The following CTNNA2 variants were observed in gnomAD, a reference collection of about 807,000 sequenced individuals.
CTNNA2 encodes the protein catenin alpha 2.
A neutral mutation model predicts 101.0 loss-of-function variants in CTNNA2; 42 were observed. That is an observed-to-expected ratio of 0.42 (90% CI 0.32 to 0.54). The LOEUF (loss-of-function observed/expected upper bound fraction) is 0.54, where lower values mean the gene tolerates loss of function less well. Ranked by LOEUF, CTNNA2 falls within the 20% of genes least tolerant of loss-of-function variation. The pLI is 0.14. For missense variants in CTNNA2, 871 were observed against 1,223.1 expected, an observed-to-expected ratio of 0.71 and a Z score of 4.29; for synonymous variants, 450 against 456.4, an observed-to-expected ratio of 0.99 and a Z score of 0.18.
intron 7 of CTNNA2, among the ~76,000 whole-genome samples, chr2:80,195,144 T>A (rs1185808442): frequency 6.6e-6 from 1 of 152,208 alleles, no homozygotes; most frequent in East Asian, 1.9e-4. Flanking sequence ...TTGACTGTTC[T>A]TGATGACAGC....
At chr2:79,446,607 G>T (rs1229928777) in intron 4 of CTNNA2, among the ~76,000 whole-genome samples, 1 of 151,998 alleles carries the variant, frequency 6.6e-6, no homozygotes, top group Admixed American at 6.6e-5. Context: ...CCTTTTGATG[G>T]TGGAGAAAGG....
At chr2:80,400,857 G>T (rs912278426) in intron 8 of CTNNA2, among the ~76,000 whole-genome samples, 1 of 152,012 alleles carries the variant, frequency 6.6e-6, no homozygotes, top group African/African-American at 2.4e-5. Flanking sequence ...CAGTATCCTA[G>T]ACCCCAGCCT....
At chr2:79,970,717 G>T (rs17261321) in intron 7 of CTNNA2, among the ~76,000 whole-genome samples, 62,081 of 151,896 alleles carry the variant, frequency 0.41, 13,168 homozygotes, top group East Asian at 0.66. Flanking sequence ...ACTGGAGAAT[G>T]GAGGGCACCA....
At position 79,621,549 on chromosome 2, in the gene CTNNA2, A is replaced by G. The variant is rs143415983; in HGVS notation, c.-5-30003A>G. On this transcript the variant is annotated intron_variant, in intron 1 of 18. Transcript: ENST00000402739. Reference sequence around the variant, plus strand: ...ACAGTAGTATTGGATTATAGCCCCAAGTATGAAATAAACATCGTAAGTCCA... The same window carrying G: ...ACAGTAGTATTGGATTATAGCCCCAGGTATGAAATAAACATCGTAAGTCCA... 1.0e-3 allele frequency among the ~76,000 whole-genome samples: 156 copies of G among 152,344 alleles called. 1 individual carries two copies. Among genetic ancestry groups the G allele is most frequent in the African/African-American group, 3.6e-3 (149 of 41,584 alleles).
chr2:79,789,539 G>C lies in CTNNA2; in HGVS notation c.298+44957G>C, dbSNP rs764236155. On this transcript the variant is annotated intron_variant, in intron 3 of 18. Coordinates refer to ENST00000402739, the MANE Select transcript of CTNNA2 (RefSeq NM_001282597.3). ...GTGAGCCGAGTTTTTATTGCAGAGG[G>C]AAAAATGCATCCCTTGGGGACTGGG... Among the ~76,000 whole-genome samples the C allele has an allele frequency of 5.8e-4, 88 of 152,212 alleles. 1 individual carries two copies. The highest frequency in any genetic ancestry group is 2.1e-3 in the South Asian group (10 of 4,822).
chr2:79,777,195 T>C (rs1166182165), intron 3 of CTNNA2: 1 of 152,170 alleles, frequency 6.6e-6, no homozygotes, highest in Non-Finnish European at 1.5e-5. Context: ...AACTGCTTAC[T>C]ATACAGCTGG....
intron 2 of CTNNA2, among the ~76,000 whole-genome samples, chr2:79,724,840 AAAG>A (rs1686725214): frequency 6.7e-6 from 1 of 149,816 alleles, no homozygotes; most frequent in South Asian, 2.1e-4. Flanking sequence ...AAAAAAAGGA[AAAG>A]AAAAAAGAAA....
chr2:79,984,935 A>G (rs879314051), intron 7 of CTNNA2, among the ~76,000 whole-genome samples: 4 of 152,224 alleles, frequency 2.6e-5, no homozygotes, highest in African/African-American at 4.8e-5. Flanking sequence ...GTTTTTCTCA[A>G]TAAAGTTTTA....
At chr2:79,621,215 A>T (rs760319886) in intron 1 of CTNNA2, among the ~76,000 whole-genome samples, 7 of 152,162 alleles carry the variant, frequency 4.6e-5, no homozygotes, top group Non-Finnish European at 1.0e-4. Flanking sequence ...GTCTACACAC[A>T]TGTTTTTCTG....
chr2:79,595,629 C>T (rs1384783991), intron 1 of CTNNA2, among the ~76,000 whole-genome samples: 1 of 152,076 alleles, frequency 6.6e-6, no homozygotes, highest in African/African-American at 2.4e-5. Flanking sequence ...TATCACTATG[C>T]TTAAAATTGT....
chr2:80,308,957 T>C (rs1228940110), intron 7 of CTNNA2, among the ~76,000 whole-genome samples: 1 of 151,858 alleles, frequency 6.6e-6, no homozygotes, highest in African/African-American at 2.4e-5. Context: ...GGCGTGGTGG[T>C]GGGTGCCTGT....
chr2:80,596,482 T>G (rs1696994055), intron 15 of CTNNA2, among the ~76,000 whole-genome samples: 1 of 150,738 alleles, frequency 6.6e-6, no homozygotes, highest in Non-Finnish European at 1.5e-5. Flanking sequence ...GCTAATTTTT[T>G]TGTGTGTTTT....
At chr2:80,181,811 T>TG (rs1258513363) in intron 7 of CTNNA2, among the ~76,000 whole-genome samples, 6 of 152,200 alleles carry the variant, frequency 3.9e-5, no homozygotes, top group African/African-American at 1.4e-4. Flanking sequence ...TTATTTTGCA[T>TG]AACTGTCTAA....
intron 7 of CTNNA2, among the ~76,000 whole-genome samples, chr2:80,156,356 A>C (rs1016618997): frequency 1.3e-5 from 2 of 152,224 alleles, no homozygotes; most frequent in African/African-American, 4.8e-5. Context: ...ACTTGGTATG[A>C]TGAATCTTCT....
chr2:80,545,796 C>G, intron 10 of CTNNA2, 111 bp from the exon 11 acceptor site: 1 of 1,010,416 alleles, frequency 9.9e-7, no homozygotes, highest in Non-Finnish European at 1.4e-6. Flanking sequence ...ACCAAGAACC[C>G]ACTTATCTGT....
chr2:79,535,221 G>T lies in CTNNA2; in HGVS notation c.-6+22014G>T, dbSNP rs556621445. 1.2e-3 allele frequency among the ~76,000 whole-genome samples: 179 copies of T among 151,746 alleles called. 1 individual carries two copies. The Middle Eastern group carries it at 0.017, about 15-fold the overall frequency. On this transcript the variant is annotated intron_variant, in intron 1 of 18. Transcript: ENST00000402739. ...AACTATTTTTCAATGAACATATTTTGCTCTTTTTTTTTTGAGACTGTCGCC... is the reference window on the plus strand; with the variant it reads ...AACTATTTTTCAATGAACATATTTTTCTCTTTTTTTTTTGAGACTGTCGCC...
At chr2:80,043,133 CCTTCCT>C in intron 7 of CTNNA2, among the ~76,000 whole-genome samples, 1 of 48,646 alleles carries the variant, frequency 2.1e-5, no homozygotes, top group African/African-American at 1.3e-4. Context: ...TTCCTTCCTT[CCTTCCT>C]TCCTTCCTTC....
At chr2:79,311,534 A>G (rs190604901) in intron 2 of CTNNA2, among the ~76,000 whole-genome samples, 5 of 151,948 alleles carry the variant, frequency 3.3e-5, no homozygotes, top group Admixed American at 3.3e-4. Flanking sequence ...AAAGATGTCC[A>G]CTCACTGTAC....
At chr2:80,550,228 CTG>C (rs1275354102) in intron 11 of CTNNA2, among the ~76,000 whole-genome samples, 1 of 152,134 alleles carries the variant, frequency 6.6e-6, no homozygotes, top group Non-Finnish European at 1.5e-5. Context: ...TGTTTAAAAA[CTG>C]TACATACCTT....
Sources: allele counts gnomAD v4.1 joint callset (sites outside exome capture counted in the v4.1 genomes callset), GRCh38; gene constraint gnomAD v4.1.1; transcripts MANE v1.5; gene names NCBI Gene and HGNC (gene_info 2026-07-23, HGNC 2026-07-21).